The following RABGAP1L variants were observed in gnomAD, a reference collection of about 807,000 sequenced individuals.
RABGAP1L encodes the protein rab GTPase-activating protein 1-like.
Under a neutral mutation model 137.7 loss-of-function variants are expected in RABGAP1L, and 63 were observed. That is an observed-to-expected ratio of 0.46 (90% CI 0.37 to 0.56). The LOEUF (loss-of-function observed/expected upper bound fraction) is 0.56, where lower values mean the gene tolerates loss of function less well. Among genes scored for constraint, RABGAP1L ranks in the 20% least tolerant of loss-of-function variants. The pLI, the probability that RABGAP1L is intolerant of heterozygous loss-of-function variation, is 0.00. For synonymous variants in RABGAP1L, 431 were observed against 433.7 expected (o/e 0.99, Z 0.08); for missense variants, 1,095 against 1,244.0 (o/e 0.88, Z 1.80).
intron 13 of RABGAP1L, among the ~76,000 whole-genome samples, chr1:174,410,869 T>C (rs1411991555): frequency 9.2e-5 from 14 of 152,226 alleles, no homozygotes; most frequent in African/African-American, 4.8e-5. Flanking sequence ...TTCCAATCCA[T>C]GATCGTGGAA....
intron 13 of RABGAP1L, among the ~76,000 whole-genome samples, chr1:174,567,896 C>T (rs1020302736): frequency 3.3e-5 from 5 of 152,046 alleles, no homozygotes; most frequent in South Asian, 2.1e-4. Context: ...TCAGCATTGC[C>T]GTATATTTAC....
rs544448296 is a variant in RABGAP1L at position 174,781,023 on chromosome 1, T to C, written c.2211+28669T>C. On this transcript the variant is annotated intron_variant, in intron 18 of 25. Coordinates refer to ENST00000681986, the MANE Select transcript of RABGAP1L (RefSeq NM_001366446.1). Reference sequence around the variant, plus strand: ...TTTGCTATTGTGAGTAGTACCGCAATAAACATACATGTGCATGTATCCTTA... The same window carrying C: ...TTTGCTATTGTGAGTAGTACCGCAACAAACATACATGTGCATGTATCCTTA... Among the ~76,000 whole-genome samples the C allele has an allele frequency of 3.3e-5, 5 of 152,294 alleles. No homozygotes were observed. The East Asian group carries it at 9.6e-4, about 29-fold the overall frequency.
At chr1:174,197,478 T>G (rs1339182300) in intron 1 of RABGAP1L, among the ~76,000 whole-genome samples, 1 of 152,210 alleles carries the variant, frequency 6.6e-6, no homozygotes, top group Non-Finnish European at 1.5e-5. Context: ...GTAATACACT[T>G]GGAAAACCAT....
intron 19 of RABGAP1L, among the ~76,000 whole-genome samples, chr1:174,852,212 A>C (rs1187529373): frequency 1.3e-5 from 2 of 152,182 alleles, no homozygotes; most frequent in African/African-American, 4.8e-5. Flanking sequence ...AGGTTTCTGA[A>C]GAGTGTCGGA....
chr1:174,455,559 G>GT (rs1384213753), intron 13 of RABGAP1L, among the ~76,000 whole-genome samples: 1 of 152,048 alleles, frequency 6.6e-6, no homozygotes, highest in Non-Finnish European at 1.5e-5. Flanking sequence ...CACAAAGAAT[G>GT]TTTATGTACA....
At chr1:174,646,287 A>G (rs899724590) in intron 14 of RABGAP1L, among the ~76,000 whole-genome samples, 1 of 152,164 alleles carries the variant, frequency 6.6e-6, no homozygotes, top group Non-Finnish European at 1.5e-5. Flanking sequence ...GTATTTGCCC[A>G]TGCCTATGTC....
At chr1:174,850,416 G>A (rs539149257) in intron 19 of RABGAP1L, among the ~76,000 whole-genome samples, 3 of 152,274 alleles carry the variant, frequency 2.0e-5, no homozygotes, top group Middle Eastern at 6.8e-3. Context: ...GAACAGAACT[G>A]GGACTGAGGG....
intron 20 of RABGAP1L, chr1:174,957,964 G>A: frequency 1.9e-6 from 3 of 1,570,694 alleles, no homozygotes; most frequent in Non-Finnish European, 2.6e-6. Context: ...GAGAAAGAGA[G>A]GGGAAAAAGA....
rs538410078 is a variant in RABGAP1L at position 174,295,160 on chromosome 1, G to A, written c.1324-9826G>A. Among the ~76,000 whole-genome samples the A allele has an allele frequency of 6.6e-5, 10 of 151,300 alleles. No individual in the cohort carries two copies. The South Asian group carries it at 1.9e-3, about 29-fold the overall frequency. On this transcript the variant is annotated intron_variant, in intron 10 of 25. Coordinates refer to ENST00000681986, the MANE Select transcript of RABGAP1L (RefSeq NM_001366446.1). ...GCTCGATGTCCTGACCTCATGATCC[G>A]CCCACCTTGGCCTCCCAAAATGCTG...
chr1:174,620,642 G>C (rs1442677426), intron 13 of RABGAP1L, among the ~76,000 whole-genome samples: 1 of 152,020 alleles, frequency 6.6e-6, no homozygotes, highest in African/African-American at 2.4e-5. Flanking sequence ...GCAGTGTATA[G>C]AGGGAAATTT....
intron 19 of RABGAP1L, among the ~76,000 whole-genome samples, chr1:174,920,873 T>C (rs561871882): frequency 2.1e-4 from 32 of 152,238 alleles, no homozygotes; most frequent in Non-Finnish European, 4.0e-4. Context: ...CCTCCAAAAC[T>C]GTTAGGAAAG....
intron 3 of RABGAP1L, among the ~76,000 whole-genome samples, chr1:174,226,119 T>C (rs1012761179): frequency 1.3e-5 from 2 of 152,190 alleles, no homozygotes; most frequent in African/African-American, 4.8e-5. Flanking sequence ...AGATTGGATT[T>C]CTTTGTTTTG....
Position 174,788,535 on chromosome 1 carries a change from G to C in RABGAP1L, c.2212-23297G>C, listed in dbSNP as rs139115003. ...ATTCGATTGACTACAAGAGCTTTCT[G>C]ACTTGTCTACCTTCAGTCTCTTCCT... is the stretch of plus-strand genomic sequence containing the variant. On this transcript the variant is annotated intron_variant, in intron 18 of 25. Coordinates refer to ENST00000681986, the MANE Select transcript of RABGAP1L (RefSeq NM_001366446.1). 5.3e-5 allele frequency among the ~76,000 whole-genome samples: 8 copies of C among 152,300 alleles called. No homozygotes were observed. In the East Asian group the frequency reaches 1.5e-3, roughly 29 times the overall value.
intron 18 of RABGAP1L, among the ~76,000 whole-genome samples, chr1:174,755,851 A>G (rs1431279676): frequency 1.3e-5 from 2 of 152,230 alleles, no homozygotes; most frequent in Admixed American, 6.5e-5. Flanking sequence ...TTCATTCAGT[A>G]TATCGTGAAT....
chr1:174,428,342 T>C (rs1652204266), intron 13 of RABGAP1L, among the ~76,000 whole-genome samples: 2 of 152,094 alleles, frequency 1.3e-5, no homozygotes, highest in South Asian at 2.1e-4. Context: ...AAACGAGGTA[T>C]GGGGGAAGTG....
chr1:174,967,845 G>T (rs1574035633), intron 20 of RABGAP1L, among the ~76,000 whole-genome samples: 1 of 151,348 alleles, frequency 6.6e-6, no homozygotes, highest in African/African-American at 2.4e-5. Flanking sequence ...AAGTATTAAA[G>T]TGATTTGGGA....
intron 13 of RABGAP1L, among the ~76,000 whole-genome samples, chr1:174,523,408 G>GA (rs991536006): frequency 6.6e-6 from 1 of 151,852 alleles, no homozygotes; most frequent in African/African-American, 2.4e-5. Flanking sequence ...AGGGAAGAGG[G>GA]AAAAAAACAA....
At chr1:174,284,682 CT>C (rs1295364230) in intron 10 of RABGAP1L, among the ~76,000 whole-genome samples, 1 of 149,678 alleles carries the variant, frequency 6.7e-6, no homozygotes, top group Non-Finnish European at 1.5e-5. Context: ...GTTTACATTC[CT>C]ACCATCAGTG....
At chr1:174,808,432 C>T (rs1025752807) in intron 18 of RABGAP1L, among the ~76,000 whole-genome samples, 5 of 151,986 alleles carry the variant, frequency 3.3e-5, no homozygotes, top group African/African-American at 1.2e-4. Context: ...CCAGCCTGGG[C>T]AACAAATTGA....
Sources: allele counts gnomAD v4.1 joint callset (sites outside exome capture counted in the v4.1 genomes callset), GRCh38; gene constraint gnomAD v4.1.1; transcripts MANE v1.5; gene names NCBI Gene and HGNC (gene_info 2026-07-23, HGNC 2026-07-21).